Variants in RELCH observed in about 807,000 individuals in gnomAD.
RELCH encodes RAB11 binding and LisH domain, coiled-coil and HEAT repeat containing.
A neutral mutation model predicts 150.3 loss-of-function variants in RELCH; 41 were observed. That is an observed-to-expected ratio of 0.27 (90% CI 0.21 to 0.35). The LOEUF (loss-of-function observed/expected upper bound fraction) is 0.35, where lower values mean the gene tolerates loss of function less well. Ranked by LOEUF, RELCH falls within the 10% of genes least tolerant of loss-of-function variation. The probability of loss-of-function intolerance (pLI) is 1.00; values close to 1 mark genes in which losing one functional copy is unlikely to be tolerated. For synonymous variants in RELCH, 478 were observed against 531.8 expected, an observed-to-expected ratio of 0.90 and a Z score of 1.39; for missense variants, 1,092 against 1,467.8, an observed-to-expected ratio of 0.74 and a Z score of 4.18.
chr18:62,242,040 C>T (rs1323899356), intron 10 of RELCH, among the ~76,000 whole-genome samples: 1 of 152,146 alleles, frequency 6.6e-6, no homozygotes, highest in African/African-American at 2.4e-5. Context: ...CCACTCTCTG[C>T]ATTTTTCTTC....
chr18:62,190,375 G>A (rs147505689), intron 1 of RELCH, among the ~76,000 whole-genome samples: 9,248 of 152,120 alleles, frequency 0.061, 938 homozygotes, highest in African/African-American at 0.21. Flanking sequence ...TCAGGATTTC[G>A]AGACCAGCCT....
chr18:62,195,827 C>T (rs957956824), intron 1 of RELCH, among the ~76,000 whole-genome samples: 1 of 151,978 alleles, frequency 6.6e-6, no homozygotes, highest in Admixed American at 6.6e-5. Flanking sequence ...TCCCGAGTAG[C>T]TAGGACTACA....
chr18:62,285,070 C>T (rs1315789299), intron 25 of RELCH, among the ~76,000 whole-genome samples: 1 of 152,050 alleles, frequency 6.6e-6, no homozygotes, highest in Non-Finnish European at 1.5e-5. Flanking sequence ...CCCTTTATGA[C>T]TATTGGATCT....
At chr18:62,188,488 T>C (rs2038334925) in intron 1 of RELCH, among the ~76,000 whole-genome samples, 1 of 152,220 alleles carries the variant, frequency 6.6e-6, no homozygotes, top group Non-Finnish European at 1.5e-5. Context: ...CTCCGAAAAG[T>C]CAGATGTACT....
At chr18:62,271,386 C>T in intron 20 of RELCH, among the ~76,000 whole-genome samples, 1 of 152,146 alleles carries the variant, frequency 6.6e-6, no homozygotes, top group East Asian at 1.9e-4. Context: ...GCATAAATGT[C>T]TTCTTTTGAG....
chr18:62,291,527 AC>A lies in RELCH; in HGVS notation c.3371-15del, dbSNP rs1335339920. On this transcript the variant is annotated splice_polypyrimidine_tract_variant and intron_variant, in intron 26 of 28. Transcript: ENST00000644646. ...AATTTGGTTTTGTTTAATTCCCTTAACTACCTTGTCCCAAGTCATTTCAGAG... is the reference window on the plus strand; with the variant it reads ...AATTTGGTTTTGTTTAATTCCCTTAATACCTTGTCCCAAGTCATTTCAGAG... 5 of 1,562,362 alleles carry A rather than the reference AC, an allele frequency of 3.2e-6. No individual in the cohort carries two copies. The highest frequency in any genetic ancestry group is 1.8e-5 in the Admixed American group (1 of 56,468).
chr18:62,209,647 C>CAAA (rs35985070), intron 1 of RELCH, among the ~76,000 whole-genome samples: 23,427 of 144,824 alleles, frequency 0.16, 2,390 homozygotes, highest in Middle Eastern at 0.27. Flanking sequence ...TCAATTTCTG[C>CAAA]AAAAAAAAAA....
At chr18:62,264,244 C>A in intron 17 of RELCH, 99 bp downstream of exon 17, 2 of 962,884 alleles carry the variant, frequency 2.1e-6, no homozygotes, top group South Asian at 1.6e-5. Flanking sequence ...AAATGTAACT[C>A]GGCATCATTT....
intron 1 of RELCH, among the ~76,000 whole-genome samples, chr18:62,201,459 C>T (rs981324554): frequency 1.3e-5 from 2 of 151,864 alleles, no homozygotes; most frequent in African/African-American, 4.8e-5. Flanking sequence ...TAATATAAAG[C>T]GAATTGCTTG....
intron 1 of RELCH, among the ~76,000 whole-genome samples, chr18:62,188,798 C>A (rs1029850502): frequency 7.2e-5 from 11 of 152,188 alleles, no homozygotes; most frequent in Non-Finnish European, 1.5e-4. Context: ...GTAAGCATCT[C>A]TTATGGCTTG....
Position 62,287,476 on chromosome 18 carries a change from GT to G in RELCH, c.3370+13del. On this transcript the variant is annotated intron_variant, in intron 26 of 28. Transcript: ENST00000644646. ...TGCACTTTCCTGTTGTTGTATCCTT[GT>G]TTTATTAAGGTGTATCTACATTTAT... The G allele has an allele frequency of 3.7e-6, 5 of 1,367,278 alleles. No individual in the cohort carries two copies. Among genetic ancestry groups the G allele is most frequent in the Non-Finnish European group, 5.2e-6 (5 of 958,792 alleles). 84.7% of individuals were successfully genotyped at this position (1,367,278 alleles called of 1,614,324 possible).
At chr18:62,211,103 C>G in intron 1 of RELCH, 50 bp from the exon 2 acceptor site, 1 of 959,552 alleles carries the variant, frequency 1.0e-6, no homozygotes, top group South Asian at 1.6e-5. Context: ...ATTCCTGTTC[C>G]TTATTTTAAC....
At chr18:62,261,363 C>A in intron 15 of RELCH, 148 bp from the exon 16 acceptor site, 5 of 552,056 alleles carry the variant, frequency 9.1e-6, no homozygotes, top group Non-Finnish European at 1.6e-5. Flanking sequence ...GATTCTACCA[C>A]TCTAGAGTGC....
intron 1 of RELCH, among the ~76,000 whole-genome samples, chr18:62,207,541 A>T (rs922432448): frequency 1.3e-5 from 2 of 152,152 alleles, no homozygotes; most frequent in East Asian, 3.9e-4. Flanking sequence ...ATGATAGATA[A>T]CTCTGTAGCC....
intron 2 of RELCH, among the ~76,000 whole-genome samples, chr18:62,219,891 C>CT (rs1473983271): frequency 1.3e-5 from 2 of 151,912 alleles, no homozygotes; most frequent in Admixed American, 1.3e-4. Context: ...CATTTGGCAT[C>CT]TTTTTTATGT....
intron 1 of RELCH, among the ~76,000 whole-genome samples, chr18:62,208,612 T>C (rs1362112573): frequency 1.3e-5 from 2 of 152,160 alleles, no homozygotes; most frequent in African/African-American, 4.8e-5. Flanking sequence ...ACTCAGGTAC[T>C]AAGCCTAGTA....
chr18:62,270,030 A>C (rs2043805480), intron 20 of RELCH, among the ~76,000 whole-genome samples: 1 of 152,148 alleles, frequency 6.6e-6, no homozygotes, highest in African/African-American at 2.4e-5. Context: ...TCTGGGCCTC[A>C]CTCAGCTTTC....
chr18:62,278,519 G>C (rs2044335693), intron 22 of RELCH, among the ~76,000 whole-genome samples: 1 of 152,010 alleles, frequency 6.6e-6, no homozygotes, highest in South Asian at 2.1e-4. Context: ...TACTTTCTCT[G>C]ATGTGTTATA....
intron 20 of RELCH, among the ~76,000 whole-genome samples, chr18:62,271,145 T>C (rs2043878738): frequency 1.3e-5 from 2 of 152,236 alleles, no homozygotes; most frequent in South Asian, 4.1e-4. Flanking sequence ...TTTCTAGTTC[T>C]AGATCCTTGA....
Sources: gnomAD v4.1 joint callset for allele counts (sites outside exome capture counted in the v4.1 genomes callset) on GRCh38, gnomAD v4.1.1 for gene constraint, MANE v1.5 for transcripts, NCBI Gene and HGNC (gene_info 2026-07-23, HGNC 2026-07-21) for gene names.